Variants in ZNF208 observed in about 807,000 individuals in gnomAD.
ZNF208 encodes zinc finger protein 95.
A neutral mutation model predicts 12.1 loss-of-function variants in ZNF208; 10 were observed. The observed-to-expected ratio is 0.83, with a 90% CI of 0.51 to 1.40. The LOEUF (loss-of-function observed/expected upper bound fraction) is 1.40. Among genes scored for constraint, ZNF208 ranks in the 40% most tolerant of loss-of-function variants. The pLI is 0.00. For missense variants in ZNF208, 1,652 were observed against 1,485.0 expected, an observed-to-expected ratio of 1.11 and a Z score of -1.85; for synonymous variants, 497 against 488.4, an observed-to-expected ratio of 1.02 and a Z score of -0.23.
At chr19:21,947,602 A>C (rs1969833703) in intron 4 of ZNF208, among the ~76,000 whole-genome samples, 1 of 152,110 alleles carries the variant, frequency 6.6e-6, no homozygotes, top group Admixed American at 6.5e-5. Flanking sequence ...AAACAGAAAA[A>C]CTCAACTTTC....
intron 1 of ZNF208, among the ~76,000 whole-genome samples, chr19:21,991,973 A>C (rs1330395597): frequency 6.6e-6 from 1 of 152,172 alleles, no homozygotes; most frequent in Admixed American, 6.5e-5. Flanking sequence ...TTTTTGGCCC[A>C]AAAAGACTAT....
chr19:22,010,895 C>T lies in ZNF208; in HGVS notation c.-101G>A. 1 of 1,559,362 alleles carries T rather than the reference C, an allele frequency of 6.4e-7. No individual in the cohort carries two copies. The highest frequency in any genetic ancestry group is 8.8e-7 in the Non-Finnish European group (1 of 1,131,892). On this transcript the variant is annotated 5_prime_UTR_variant, in exon 1 of 4. The change creates a new upstream start codon in the 5' untranslated region. Transcript: ENST00000397126. ...TGGGACTCTAGGAGCAGAGGACACA[C>T]AGCAGTAAGGACGAGACCTTGACCT...
chr19:21,991,841 C>T (rs1970742783), intron 1 of ZNF208: 1 of 151,144 alleles, frequency 6.6e-6, no homozygotes, highest in African/African-American at 2.4e-5. Context: ...TAGAAGGTAT[C>T]ACTCAAATTT....
chr19:21,994,584 C>T (rs929191469), intron 1 of ZNF208, among the ~76,000 whole-genome samples: 1 of 151,870 alleles, frequency 6.6e-6, no homozygotes, highest in Non-Finnish European at 1.5e-5. Flanking sequence ...AAACTTAAAT[C>T]CGAGTTTGTA....
At chr19:21,963,943 T>C (rs553577254), downstream of ZNF208, among the ~76,000 whole-genome samples, 4 of 152,082 alleles carry the variant, frequency 2.6e-5, no homozygotes, top group African/African-American at 7.2e-5. Context: ...AGGGTAACTA[T>C]AGTAAACTAT....
intron 3 of ZNF208, among the ~76,000 whole-genome samples, chr19:21,976,191 G>A (rs899128038): frequency 2.0e-5 from 3 of 152,086 alleles, no homozygotes; most frequent in Non-Finnish European, 2.9e-5. Flanking sequence ...ATGAATATAC[G>A]ACATAAATCA....
At chr19:22,007,576 A>G (rs10420483) in intron 1 of ZNF208, among the ~76,000 whole-genome samples, 115,800 of 148,190 alleles carry the variant, frequency 0.78, 46,026 homozygotes, top group African/African-American at 0.93. Context: ...AAAATAAAAG[A>G]TGAATGAGAA....
At chr19:21,950,491 CTTTT>C (rs59845229) in intron 4 of ZNF208, among the ~76,000 whole-genome samples, 43 of 137,790 alleles carry the variant, frequency 3.1e-4, no homozygotes, top group Non-Finnish European at 5.5e-4. Flanking sequence ...TAGCCCTGTT[CTTTT>C]TTTTTTTTTT....
Position 21,974,020 on chromosome 19 carries a change from C to T in ZNF208, c.1014G>A (p.Glu338=), listed in dbSNP as rs2145551277. The stretch of plus-strand genomic sequence containing the variant: ...CACATTCTTTACATTTGTAGGGCTT[C>T]TCTCCAGCATGAATTGCCTTATGTG... ...LITHKAIHAG[E]KPYKCKECGK... is the part of the protein sequence containing the mutation. Residue 338 remains glutamate, a synonymous_variant, in exon 4 of 4, where the codon GAG becomes GAA. Transcript: ENST00000397126. The T allele has an allele frequency of 5.1e-6, 7 of 1,376,348 alleles. No individual in the cohort carries two copies. The highest frequency in any genetic ancestry group is 1.9e-4 in the Middle Eastern group (1 of 5,188). 85.3% of individuals were successfully genotyped at this position (1,376,348 alleles called of 1,614,324 possible).
chr19:21,985,058 A>G (rs1467478468), intron 3 of ZNF208, among the ~76,000 whole-genome samples: 19 of 152,178 alleles, frequency 1.2e-4, no homozygotes, highest in Non-Finnish European at 5.9e-5. Flanking sequence ...ATATACTGGA[A>G]TATCACTCAG....
Position 21,972,754 on chromosome 19 carries a change from C to A in ZNF208, c.2280G>T (p.Trp760Cys). ...TCTTATGATAACTAAGGGTTGAGGA[C>A]CACTTATAGGCTTTGCCACATTCTT... ...KCEECGKAYK[W>C]SSTLSYHKKI... The change falls in exon 4 of 4, where the codon TGG (tryptophan) becomes TGT (cysteine). Residue 760 changes from tryptophan to cysteine, a missense_variant. Trp to Cys is a radical substitution (Grantham distance 215, BLOSUM62 -2). Around this residue, in one of 3 missense-constraint regions of ZNF208, gnomAD observed 1,239 missense variants for 1,086.2 expected, o/e 1.14. Transcript: ENST00000397126. The A allele has an allele frequency of 1.9e-6, 3 of 1,588,206 alleles. No individual in the cohort carries two copies. The highest frequency in any genetic ancestry group is 2.6e-6 in the Non-Finnish European group (3 of 1,165,992).
At chr19:21,981,095 G>C (rs1217793032) in intron 3 of ZNF208, among the ~76,000 whole-genome samples, 2 of 151,972 alleles carry the variant, frequency 1.3e-5, no homozygotes, top group Non-Finnish European at 1.5e-5. Context: ...AAAATGTCCA[G>C]GACCCGATGG....
downstream of ZNF208, chr19:21,965,730 AT>A (rs576338551): frequency 2.4e-4 from 36 of 151,900 alleles, no homozygotes; most frequent in South Asian, 7.5e-3. Context: ...TTTAGAAAAA[AT>A]GTTTTATATT....
intron 4 of ZNF208, among the ~76,000 whole-genome samples, chr19:21,957,069 TCTCA>T (rs1219807569): frequency 3.4e-5 from 5 of 147,096 alleles, no homozygotes; most frequent in African/African-American, 1.3e-4. Flanking sequence ...TGAGACATAG[TCTCA>T]CTCTGTCTGT....
chr19:21,987,690 C>T (rs770971825), intron 2 of ZNF208, among the ~76,000 whole-genome samples: 3 of 152,180 alleles, frequency 2.0e-5, no homozygotes, highest in Non-Finnish European at 2.9e-5. Context: ...AACAGCTGCT[C>T]TCCGGTAAGT....
intron 3 of ZNF208, among the ~76,000 whole-genome samples, chr19:21,978,811 T>C (rs528741707): frequency 6.6e-6 from 1 of 152,266 alleles, no homozygotes; most frequent in East Asian, 1.9e-4. Flanking sequence ...TCTAACCCAA[T>C]GCCAGGAAGC....
At chr19:21,947,848 A>G (rs1969836243) in intron 4 of ZNF208, among the ~76,000 whole-genome samples, 1 of 152,200 alleles carries the variant, frequency 6.6e-6, no homozygotes, top group Non-Finnish European at 1.5e-5. Flanking sequence ...CAACTACTGC[A>G]TAATCTCTCC....
intron 3 of ZNF208, among the ~76,000 whole-genome samples, chr19:21,976,343 C>T (rs927420134): frequency 2.6e-5 from 4 of 152,000 alleles, no homozygotes; most frequent in African/African-American, 9.7e-5. Context: ...GTACCACACA[C>T]ACAAAATATC....
chr19:21,964,663 AATT>A (rs1970133776), downstream of ZNF208, among the ~76,000 whole-genome samples: 1 of 151,746 alleles, frequency 6.6e-6, no homozygotes, highest in African/African-American at 2.4e-5. Context: ...AATTATATTA[AATT>A]TTTATATTAA....
Sources: gnomAD v4.1 joint callset for allele counts (sites outside exome capture counted in the v4.1 genomes callset) on GRCh38, gnomAD v4.1.1 for gene constraint, gnomAD v4.1.1 regional missense constraint, MANE v1.5 for transcripts, NCBI Gene and HGNC (gene_info 2026-07-23, HGNC 2026-07-21) for gene names.